Variants in FRMD1 observed in about 807,000 individuals in gnomAD.
The protein encoded by FRMD1 is FERM domain-containing protein 1.
FRMD1 carries 51 observed loss-of-function variants against 54.9 expected under a neutral mutation model. That is an observed-to-expected ratio of 0.93 (90% CI 0.74 to 1.17). FRMD1 has a LOEUF of 1.17. Among genes scored for constraint, FRMD1 ranks in the 50% most tolerant of loss-of-function variants. FRMD1 has a pLI of 0.00. For missense variants in FRMD1, 729 were observed against 743.0 expected (o/e 0.98, Z 0.22); for synonymous variants, 324 against 306.4 (o/e 1.06, Z -0.60).
chr6:168,067,168 C>T, intron 3 of FRMD1, 199 bp downstream of exon 3: 1 of 695,158 alleles, frequency 1.4e-6, no homozygotes, highest in South Asian at 1.5e-5. Context: ...CCAGCACAGT[C>T]CACCGCGGTG....
chr6:168,066,664 A>T, intron 4 of FRMD1, 91 bp downstream of exon 4: 4 of 1,475,694 alleles, frequency 2.7e-6, no homozygotes, highest in Non-Finnish European at 3.6e-6. Flanking sequence ...GATAAACTCA[A>T]ATGTAATGTG....
At chr6:168,089,445 C>T (rs1422306204) in intron 1 of FRMD1, among the ~76,000 whole-genome samples, 1 of 152,194 alleles carries the variant, frequency 6.6e-6, no homozygotes, top group African/African-American at 2.4e-5. Context: ...CTTGAGAAGG[C>T]GCCTGGGGTC....
At chr6:168,080,544 C>A (rs1024230210), upstream of FRMD1, among the ~76,000 whole-genome samples, 12 of 152,206 alleles carry the variant, frequency 7.9e-5, no homozygotes, top group Non-Finnish European at 1.8e-4. Context: ...GTGCCGGGTG[C>A]CCTCAGCCGC....
upstream of FRMD1, chr6:168,081,503 C>T (rs572651573): frequency 2.4e-4 from 361 of 1,532,482 alleles, 2 homozygotes; most frequent in Middle Eastern, 1.0e-3. Flanking sequence ...TCCTCCTCGG[C>T]CCAACTCTCT....
chr6:168,081,423 C>G (rs73790723), upstream of FRMD1: 1 of 1,535,452 alleles, frequency 6.5e-7, no homozygotes. Flanking sequence ...CAGGGCCGGG[C>G]AGTGGACGGG....
chr6:168,058,232 A>C (rs1799518085), intron 10 of FRMD1, among the ~76,000 whole-genome samples: 1 of 105,656 alleles, frequency 9.5e-6, no homozygotes. Flanking sequence ...CTCTCTCTCC[A>C]TCCGCCTCCC....
At chr6:168,065,739 C>T in intron 4 of FRMD1, 1 of 988,866 alleles carries the variant, frequency 1.0e-6, no homozygotes, top group Non-Finnish European at 1.2e-6. Flanking sequence ...ACACCTTTCA[C>T]TCTCCAGAAC....
chr6:168,066,659 A>G lies in FRMD1; in HGVS notation c.461+96T>C, dbSNP rs1583183618. The G allele has an allele frequency of 3.4e-6, 5 of 1,463,582 alleles. No individual in the cohort carries two copies. In the East Asian group the frequency reaches 7.2e-5, roughly 21 times the overall value. The allele number at this position is 1,463,582 out of a possible 1,614,324, so 90.7% of individuals were successfully genotyped here. A position where few individuals can be genotyped will look rare whatever the true frequency, so the allele number is the denominator to read the frequency against. Reference sequence around the variant, plus strand: ...TTGTTTGTTTTTTGTTTTTGGATAAACTCAAATGTAATGTGTGGCCTTCAG... The same window carrying G: ...TTGTTTGTTTTTTGTTTTTGGATAAGCTCAAATGTAATGTGTGGCCTTCAG... On this transcript the variant is annotated intron_variant, in intron 4 of 10. Coordinates refer to ENST00000283309, the MANE Select transcript of FRMD1 (RefSeq NM_024919.6).
In FRMD1 at chr6:168,065,074, A is replaced by G; in HGVS notation, c.462-17T>C. ...CTGTGGTCGCTGGAAGGTGGCAGGG[A>G]GTGAGTTCCAGGACGACCGGTGTGG... On this transcript the variant is annotated splice_polypyrimidine_tract_variant and intron_variant, in intron 4 of 10. Transcript: ENST00000283309. 6.3e-7 allele frequency: 1 copy of G among 1,591,744 alleles called. No homozygotes were observed. The highest frequency in any genetic ancestry group is 1.1e-5 in the South Asian group (1 of 89,456).
At chr6:168,085,613 A>G (rs371501262), upstream of FRMD1, among the ~76,000 whole-genome samples, 15 of 152,296 alleles carry the variant, frequency 9.8e-5, no homozygotes, top group East Asian at 2.3e-3. Flanking sequence ...TGTGAGAACA[A>G]AGGGACCAAG....
chr6:168,058,936 C>T (rs1799564603), intron 10 of FRMD1, among the ~76,000 whole-genome samples, 188 bp downstream of exon 10: 2 of 152,194 alleles, frequency 1.3e-5, no homozygotes, highest in African/African-American at 4.8e-5. Flanking sequence ...GAGGCCTCCA[C>T]CCACGTCCAC....
intron 1 of FRMD1, among the ~76,000 whole-genome samples, chr6:168,091,480 T>G (rs1873337): frequency 0.37 from 56,698 of 152,096 alleles, 11,736 homozygotes; most frequent in African/African-American, 0.56. Context: ...TCCTGGGGAC[T>G]CCGTGGCCTC....
intron 1 of FRMD1, chr6:168,075,674 G>T: frequency 7.7e-7 from 1 of 1,303,668 alleles, no homozygotes; most frequent in Non-Finnish European, 1.1e-6. Context: ...CGCCCTCTGG[G>T]CTCTGTCCTC....
upstream of FRMD1, chr6:168,079,276 T>C: frequency 8.4e-7 from 1 of 1,187,780 alleles, no homozygotes; most frequent in South Asian, 2.0e-5. Flanking sequence ...GAGCTGCAAA[T>C]AGCTGGGTGT....
At chr6:168,067,303 TC>T in intron 3 of FRMD1, 63 bp downstream of exon 3, 1 of 1,016,698 alleles carries the variant, frequency 9.8e-7, no homozygotes, top group Non-Finnish European at 1.5e-6. Context: ...ACCCCACGTG[TC>T]CCCGTGGCCC....
At chr6:168,069,259 A>G (rs1369675894) in intron 2 of FRMD1, among the ~76,000 whole-genome samples, 2 of 152,244 alleles carry the variant, frequency 1.3e-5, no homozygotes, top group African/African-American at 4.8e-5. Context: ...GCCCCAGGCC[A>G]AACCCCAGCA....
intron 2 of FRMD1, among the ~76,000 whole-genome samples, chr6:168,070,199 G>T (rs993334740): frequency 3.4e-5 from 5 of 148,310 alleles, no homozygotes; most frequent in Middle Eastern, 3.5e-3. Context: ...GATGAAGGAA[G>T]GAAGGAAGGA....
chr6:168,080,818 C>T (rs1017415077), upstream of FRMD1, among the ~76,000 whole-genome samples: 9 of 150,814 alleles, frequency 6.0e-5, no homozygotes, highest in Admixed American at 3.3e-4. Context: ...CTGGTGTGTG[C>T]GGGCGCTGGT....
Position 168,064,965 on chromosome 6 carries a change from A to G in FRMD1, c.554T>C (p.Leu185Pro), listed in dbSNP as rs758092669. 6.2e-6 allele frequency: 10 copies of G among 1,611,970 alleles called. No homozygotes were observed. In the Middle Eastern group the frequency reaches 6.6e-4, roughly 106 times the overall value. The change falls in exon 5 of 11, where the codon CTG becomes CCG. Residue 185 changes from leucine (L) to proline (P), a missense_variant. Transcript: ENST00000283309. The part of the protein sequence containing the change: ...CAHREEAYFL[L>P]AACALQADLG... ...GTCAGCCTGCAGCGCGCAGGCAGCCAGCAGGAAGTAGGCTTCCTCCCGGTG... is the reference window on the plus strand; with the variant it reads ...GTCAGCCTGCAGCGCGCAGGCAGCCGGCAGGAAGTAGGCTTCCTCCCGGTG...
Sources: allele counts gnomAD v4.1 joint callset (sites outside exome capture counted in the v4.1 genomes callset), GRCh38; gene constraint gnomAD v4.1.1; transcripts MANE v1.5; gene names NCBI Gene and HGNC (gene_info 2026-07-23, HGNC 2026-07-21).